The following PTPRD variants were observed in gnomAD, a reference collection of about 807,000 sequenced individuals.
PTPRD encodes the protein protein tyrosine phosphatase receptor type D, also known as receptor-type tyrosine-protein phosphatase delta.
A neutral mutation model predicts 214.5 loss-of-function variants in PTPRD; 34 were observed. That is an observed-to-expected ratio of 0.16 (90% confidence interval 0.12 to 0.21). The LOEUF (loss-of-function observed/expected upper bound fraction) is 0.21, where lower values mean the gene tolerates loss of function less well. Ranked by LOEUF, PTPRD falls within the 10% of genes least tolerant of loss-of-function variation. The pLI is 1.00. For missense variants in PTPRD, 2,545 were observed against 2,398.7 expected, an observed-to-expected ratio of 1.06 and a Z score of -1.27; for synonymous variants, 1,128 against 845.7, an observed-to-expected ratio of 1.33 and a Z score of -5.79.
chr9:9,521,584 T>G (rs1314196369), intron 8 of PTPRD, among the ~76,000 whole-genome samples: 1 of 152,166 alleles, frequency 6.6e-6, no homozygotes, highest in Non-Finnish European at 1.5e-5. Flanking sequence ...TCTGCATACA[T>G]GAAATCACTG....
chr9:9,948,564 A>C (rs193208699), intron 4 of PTPRD, among the ~76,000 whole-genome samples: 14 of 152,108 alleles, frequency 9.2e-5, no homozygotes, highest in Admixed American at 5.2e-4. Flanking sequence ...TTTAGCCTCA[A>C]CTCTTTAGTG....
At chr9:9,382,160 T>C (rs1200461983) in intron 9 of PTPRD, among the ~76,000 whole-genome samples, 2 of 151,470 alleles carry the variant, frequency 1.3e-5, no homozygotes, top group Non-Finnish European at 1.5e-5. Flanking sequence ...GGATTTTTTT[T>C]CTTAATTTTC....
intron 9 of PTPRD, among the ~76,000 whole-genome samples, chr9:9,281,442 T>C (rs1247988359): frequency 6.6e-6 from 1 of 151,270 alleles, no homozygotes; most frequent in Non-Finnish European, 1.5e-5. Context: ...CAAAATACTT[T>C]AACACAGCCT....
At chr9:9,194,029 G>A (rs1250099093) in intron 9 of PTPRD, among the ~76,000 whole-genome samples, 1 of 151,874 alleles carries the variant, frequency 6.6e-6, no homozygotes, top group East Asian at 1.9e-4. Context: ...TATCTTACGA[G>A]CTTTTCTGTA....
rs1388536992 is a variant in PTPRD, at chr9:8,463,864, C to A, written c.3714+1602G>T. Among the ~76,000 whole-genome samples, 7 of 152,004 alleles carry A rather than the reference C, an allele frequency of 4.6e-5. No homozygotes were observed. In the East Asian group the frequency reaches 1.4e-3, roughly 30 times the overall value. On this transcript the variant is annotated intron_variant, in intron 32 of 45. Transcript: ENST00000381196. ...CTGATATGGAAATTTGAGGCTTACA[C>A]AAAGGCTTTATTACTGCAAAATGAC...
intron 3 of PTPRD, among the ~76,000 whole-genome samples, chr9:10,068,747 AG>A (rs1263283501): frequency 1.3e-5 from 2 of 151,928 alleles, no homozygotes; most frequent in Admixed American, 1.3e-4. Flanking sequence ...AGCAGGTGGA[AG>A]GCCACTAACA....
chr9:10,499,095 C>G (rs908425409), intron 2 of PTPRD, among the ~76,000 whole-genome samples: 1 of 151,874 alleles, frequency 6.6e-6, no homozygotes, highest in Non-Finnish European at 1.5e-5. Context: ...GTTGGGGCAA[C>G]TTTATATCTC....
rs953082169 is a variant in PTPRD at position 9,000,816 on chromosome 9, C to T, written c.-104+17881G>A. 4.6e-5 allele frequency among the ~76,000 whole-genome samples: 7 copies of T among 151,998 alleles called. No individual in the cohort carries two copies. The East Asian group carries it at 9.7e-4, about 21-fold the overall frequency. ...GAAGAAAGCTTAACCTGAAGAGACC[C>T]TCTATAACAATAAAGGTGATGGATT... On this transcript the variant is annotated intron_variant, in intron 11 of 45. Transcript: ENST00000381196.
At chr9:9,962,317 A>C (rs1211059263) in intron 4 of PTPRD, among the ~76,000 whole-genome samples, 1 of 152,096 alleles carries the variant, frequency 6.6e-6, no homozygotes, top group Non-Finnish European at 1.5e-5. Context: ...ACAATAATTA[A>C]GTTATAGAGA....
chr9:8,542,260 G>C (rs193022907), intron 14 of PTPRD, among the ~76,000 whole-genome samples: 1 of 152,232 alleles, frequency 6.6e-6, no homozygotes, highest in Admixed American at 6.5e-5. Flanking sequence ...CACAAAATTG[G>C]CATTAAAAAA....
At chr9:10,344,007 T>TTG (rs1253555165) in intron 2 of PTPRD, among the ~76,000 whole-genome samples, 3 of 139,488 alleles carry the variant, frequency 2.2e-5, no homozygotes, top group Non-Finnish European at 4.7e-5. Context: ...TTTTTTTTTT[T>TTG]GCTGTGCAGA....
chr9:8,404,498 A>G (rs1464919701), intron 36 of PTPRD, 39 bp downstream of exon 36: 6 of 1,588,472 alleles, frequency 3.8e-6, no homozygotes, highest in East Asian at 2.3e-5. Context: ...ACTCAAATCC[A>G]TGAAAATAAA....
intron 8 of PTPRD, among the ~76,000 whole-genome samples, chr9:9,519,848 T>G (rs963685439): frequency 2.6e-5 from 4 of 152,060 alleles, no homozygotes; most frequent in Non-Finnish European, 5.9e-5. Context: ...ACCGAACAAG[T>G]TGATCCCATA....
chr9:9,229,508 G>A (rs929967493), intron 9 of PTPRD, among the ~76,000 whole-genome samples: 5 of 152,010 alleles, frequency 3.3e-5, no homozygotes, highest in Non-Finnish European at 5.9e-5. Context: ...CATCCAATTG[G>A]CCAAGCTTAG....
At chr9:9,830,676 C>G (rs1337325194) in intron 5 of PTPRD, among the ~76,000 whole-genome samples, 1 of 151,798 alleles carries the variant, frequency 6.6e-6, no homozygotes, top group Non-Finnish European at 1.5e-5. Context: ...TATTGACAGA[C>G]TGGCACAAAT....
At chr9:9,494,541 C>T (rs993800713) in intron 8 of PTPRD, among the ~76,000 whole-genome samples, 5 of 152,144 alleles carry the variant, frequency 3.3e-5, no homozygotes, top group African/African-American at 1.2e-4. Context: ...AAAGTCAGCA[C>T]ATAAAATTCA....
chr9:9,695,246 ATGT>A (rs2097351339), intron 7 of PTPRD, among the ~76,000 whole-genome samples: 1 of 152,090 alleles, frequency 6.6e-6, no homozygotes, highest in Non-Finnish European at 1.5e-5. Flanking sequence ...GTGTCAAGAA[ATGT>A]TGTCTGGGAG....
intron 3 of PTPRD, among the ~76,000 whole-genome samples, chr9:10,273,878 A>T (rs952136539): frequency 6.6e-6 from 1 of 152,154 alleles, no homozygotes; most frequent in African/African-American, 2.4e-5. Context: ...GGAGCTACAA[A>T]TATTTATTTA....
intron 5 of PTPRD, among the ~76,000 whole-genome samples, chr9:9,919,879 G>A (rs927435430): frequency 1.3e-5 from 2 of 152,028 alleles, no homozygotes; most frequent in African/African-American, 2.4e-5. Context: ...AGTGACATGT[G>A]GATATAATAG....
Sources: gnomAD v4.1 joint callset for allele counts (sites outside exome capture counted in the v4.1 genomes callset) on GRCh38, gnomAD v4.1.1 for gene constraint, MANE v1.5 for transcripts, NCBI Gene and HGNC (gene_info 2026-07-23, HGNC 2026-07-21) for gene names.